NEK9: variants seen among roughly 807,000 people sequenced by gnomAD.
The protein encoded by NEK9 is NIMA related kinase 9.
In NEK9, 75 loss-of-function variants were observed where a neutral mutation model predicts 123.4. The observed-to-expected ratio is 0.61, with a 90% confidence interval of 0.50 to 0.74. NEK9 has a LOEUF of 0.74. Among genes scored for constraint, NEK9 ranks in the 30% least tolerant of loss-of-function variants. NEK9 has a pLI of 0.00. For missense variants in NEK9, 952 were observed against 1,214.4 expected, an observed-to-expected ratio of 0.78 and a Z score of 3.21; for synonymous variants, 438 against 458.7, an observed-to-expected ratio of 0.95 and a Z score of 0.58.
intron 16 of NEK9, among the ~76,000 whole-genome samples, chr14:75,099,649 G>A (rs1894497844): frequency 6.6e-6 from 1 of 152,074 alleles, no homozygotes; most frequent in South Asian, 2.1e-4. Flanking sequence ...GGGCATGGTG[G>A]CGAGTGCCTG....
Position 75,106,721 on chromosome 14 carries a change from C to T in NEK9, c.1328-19G>A. On this transcript the variant is annotated intron_variant, in intron 11 of 21. Coordinates refer to ENST00000238616, the MANE Select transcript of NEK9 (RefSeq NM_033116.6). The stretch of plus-strand genomic sequence containing the variant: ...CCCTCATCTGCAAAAGAAAGGAAAA[C>T]AGAATCCATCAAAGGACTGACTTAT... 6.3e-7 allele frequency: 1 copy of T among 1,594,446 alleles called. No individual in the cohort carries two copies.
intron 2 of NEK9, among the ~76,000 whole-genome samples, chr14:75,122,693 A>G (rs1337512029): frequency 6.7e-6 from 1 of 150,094 alleles, no homozygotes; most frequent in East Asian, 2.0e-4. Context: ...TTTAGTAGAG[A>G]CTGGGTTTAA....
intron 17 of NEK9, 70 bp downstream of exon 17, chr14:75,097,029 AC>A: frequency 2.1e-6 from 3 of 1,417,786 alleles, no homozygotes; most frequent in Non-Finnish European, 2.9e-6. Context: ...CAACAATGTG[AC>A]TAACAGTACT....
chr14:75,107,247 TG>T (rs1247036974), intron 11 of NEK9, 95 bp downstream of exon 11: 3 of 1,293,926 alleles, frequency 2.3e-6, no homozygotes, highest in Non-Finnish European at 3.2e-6. Flanking sequence ...CTTTGTATAC[TG>T]TCTTTTGTTT....
At chr14:75,085,833 T>C (rs1337038652) in intron 21 of NEK9, among the ~76,000 whole-genome samples, 1 of 152,190 alleles carries the variant, frequency 6.6e-6, no homozygotes, top group African/African-American at 2.4e-5. Context: ...AAGGCTGCAG[T>C]GATCCATGTT....
At chr14:75,102,188 T>C (rs759846859) in intron 14 of NEK9, among the ~76,000 whole-genome samples, 6 of 152,330 alleles carry the variant, frequency 3.9e-5, no homozygotes, top group Middle Eastern at 3.4e-3. Context: ...ATTTCATCTA[T>C]AGGGTAGTGT....
At position 75,083,728 on chromosome 14, in the gene NEK9, T is replaced by A. The variant is rs1204091929; in HGVS notation, c.*836A>T. 3 of 152,196 alleles carry A rather than the reference T, an allele frequency of 2.0e-5. No homozygotes were observed. The highest frequency in any genetic ancestry group is 4.4e-5 in the Non-Finnish European group (3 of 68,054). 9.4% of individuals were successfully genotyped at this position (152,196 alleles called of 1,614,324 possible). The stretch of plus-strand genomic sequence containing the variant: ...GAGGCAGCTAAAGGAGGACCTCTTC[T>A]CCTTCATGATTTTCTCTTAAGGCTA... On this transcript the variant is annotated 3_prime_UTR_variant, in exon 22 of 22. Transcript: ENST00000238616.
Position 75,103,738 on chromosome 14 carries a change from C to G in NEK9, c.1731+104G>C, listed in dbSNP as rs1894668316. 7 of 1,291,060 alleles carry G rather than the reference C, an allele frequency of 5.4e-6. No individual in the cohort carries two copies. The Admixed American group carries it at 1.1e-4, about 21-fold the overall frequency. The allele number at this position is 1,291,060 out of a possible 1,614,324, so 80.0% of individuals were successfully genotyped here. Reference sequence around the variant, plus strand: ...GCACACAATGCCTATGAGACCATAACTAAAGTCAAATTCCATGGTCACTAA... The same window carrying G: ...GCACACAATGCCTATGAGACCATAAGTAAAGTCAAATTCCATGGTCACTAA... On this transcript the variant is annotated intron_variant, in intron 14 of 21. Transcript: ENST00000238616.
At position 75,079,444 on chromosome 14, in the gene NEK9, G is replaced by T. The variant is rs1212314374; in HGVS notation, c.*5120C>A. 1 of 152,134 alleles carries T rather than the reference G, an allele frequency of 6.6e-6. No individual in the cohort carries two copies. Among genetic ancestry groups the T allele is most frequent in the African/African-American group, 2.4e-5 (1 of 41,406 alleles). The allele number at this position is 152,134 out of a possible 1,614,324, so 9.4% of individuals were successfully genotyped here. On this transcript the variant is annotated 3_prime_UTR_variant, in exon 22 of 22. Transcript: ENST00000238616. ...GCCCCTTAAGGAAACCTCACACAGA[G>T]ATAATGGATATTTAACCTAATAGGT...
chr14:75,099,482 G>A (rs1227584188), intron 16 of NEK9, among the ~76,000 whole-genome samples: 6 of 152,024 alleles, frequency 3.9e-5, no homozygotes, highest in Admixed American at 3.9e-4. Context: ...AACAGCAGCA[G>A]TACAGAAGAG....
intron 2 of NEK9, among the ~76,000 whole-genome samples, chr14:75,123,410 A>AATAAT (rs1566661836): frequency 2.1e-5 from 3 of 145,298 alleles, no homozygotes; most frequent in Admixed American, 2.0e-4. Context: ...ATCTCAAAAA[A>AATAAT]AATAATAATA....
At chr14:75,119,983 C>T (rs529454156) in intron 4 of NEK9, among the ~76,000 whole-genome samples, 3 of 152,160 alleles carry the variant, frequency 2.0e-5, no homozygotes, top group Non-Finnish European at 4.4e-5. Context: ...TAATCTCTGG[C>T]ACCAGTCAAT....
At chr14:75,087,959 G>A (rs1894081075) in intron 20 of NEK9, among the ~76,000 whole-genome samples, 1 of 152,220 alleles carries the variant, frequency 6.6e-6, no homozygotes, top group South Asian at 2.1e-4. Flanking sequence ...AAAAGAGGCT[G>A]TACACATTTC....
intron 11 of NEK9, 45 bp downstream of exon 11, chr14:75,107,298 C>T: frequency 6.3e-7 from 1 of 1,588,990 alleles, no homozygotes; most frequent in Non-Finnish European, 8.6e-7. Flanking sequence ...AAGCAAAATA[C>T]CCCCACATTA....
At position 75,114,980 on chromosome 14, in the gene NEK9, T is replaced by C. The variant is rs190036700; in HGVS notation, c.763-667A>G. On this transcript the variant is annotated intron_variant, in intron 6 of 21. Coordinates refer to ENST00000238616, the MANE Select transcript of NEK9 (RefSeq NM_033116.6). The stretch of plus-strand genomic sequence containing the variant: ...AAAGCCTGACTCCAAGTCATATACA[T>C]ATATACACATATATACACACATACA... 1.3e-3 allele frequency among the ~76,000 whole-genome samples: 191 copies of C among 152,082 alleles called. 3 individuals carry two copies. The highest frequency in any genetic ancestry group is 4.6e-4 in the Non-Finnish European group (31 of 67,980).
rs761581625 is a variant in NEK9, at chr14:75,101,699, G to C, written c.1798C>G (p.Arg600Gly). 3.1e-6 allele frequency: 5 copies of C among 1,613,912 alleles called. No individual in the cohort carries two copies. In the African/African-American group the frequency reaches 6.7e-5, roughly 22 times the overall value. ...LAKQLSFYKIRTIAPGKTHTA... is the reference protein window; with the variant it reads ...LAKQLSFYKIGTIAPGKTHTA... ...TGAGTCTTGCCTGGGGCAATGGTACGGATCTTATAAAAGGACAACTGTTTG... is the reference window on the plus strand; with the variant it reads ...TGAGTCTTGCCTGGGGCAATGGTACCGATCTTATAAAAGGACAACTGTTTG... The change falls in exon 15 of 22, where the codon CGT becomes GGT. Residue 600 changes from arginine (R) to glycine (G), a missense_variant. Arg to Gly is a moderately radical substitution (Grantham distance 125). Transcript: ENST00000238616.
At position 75,126,943 on chromosome 14, in the gene NEK9, G is replaced by T; in HGVS notation, c.-22C>A. On this transcript the variant is annotated 5_prime_UTR_variant, in exon 1 of 22. Transcript: ENST00000238616. ...ACATGGCGGCGGCCGCGGGCCTTGG[G>T]GACCAGCCTGCGTATGCCCGGAGGC... 6.9e-7 allele frequency: 1 copy of T among 1,443,162 alleles called. No homozygotes were observed. Among genetic ancestry groups the T allele is most frequent in the Non-Finnish European group, 9.2e-7 (1 of 1,091,392 alleles). The allele number at this position is 1,443,162 out of a possible 1,614,324, so 89.4% of individuals were successfully genotyped here.
In NEK9 at chr14:75,097,135, AG is replaced by A; in HGVS notation, c.2137del (p.Leu713CysfsTer16). 6.2e-7 allele frequency: 1 copy of A among 1,612,098 alleles called. No individual in the cohort carries two copies. The highest frequency in any genetic ancestry group is 8.5e-7 in the Non-Finnish European group (1 of 1,179,000). The stretch of plus-strand genomic sequence containing the variant: ...AATGGTATGCCATCCACGGCAAGAC[AG>A]GTCCGGGACATGATGCAGAGATCCA... Reference protein sequence around the residue: ...IFGSLHHVPDLSCRGWHTILI... With the variant: ...IFGSLHHVPDXSCRGWHTILI... On this transcript the variant is annotated frameshift_variant, in exon 17 of 22. Transcript: ENST00000238616. LOFTEE classifies it high-confidence loss of function.
At chr14:75,103,560 C>G (rs1268885983) in intron 14 of NEK9, among the ~76,000 whole-genome samples, 5 of 152,160 alleles carry the variant, frequency 3.3e-5, no homozygotes, top group Admixed American at 2.0e-4. Flanking sequence ...TCCCATTACT[C>G]TAGGATCCCT....
Sources: gnomAD v4.1 joint callset for allele counts (sites outside exome capture counted in the v4.1 genomes callset) on GRCh38, gnomAD v4.1.1 for gene constraint, MANE v1.5 for transcripts, NCBI Gene and HGNC (gene_info 2026-07-23, HGNC 2026-07-21) for gene names.